The following RRP12 variants were observed in gnomAD, a reference collection of about 807,000 sequenced individuals.
RRP12 encodes ribosomal RNA processing 12 homolog.
A neutral mutation model predicts 157.3 loss-of-function variants in RRP12; 78 were observed. That is an observed-to-expected ratio of 0.50 (90% CI 0.41 to 0.60). The LOEUF (loss-of-function observed/expected upper bound fraction) is 0.60, where lower values mean the gene tolerates loss of function less well. RRP12 is among the 20% of genes least tolerant of loss of function. RRP12 has a pLI of 0.00. For synonymous variants in RRP12, 726 were observed against 670.9 expected, an observed-to-expected ratio of 1.08 and a Z score of -1.27; for missense variants, 1,521 against 1,679.9, an observed-to-expected ratio of 0.91 and a Z score of 1.65.
intron 19 of RRP12, 74 bp from the exon 20 acceptor site, chr10:97,372,240 T>C: frequency 1.7e-6 from 2 of 1,171,598 alleles, no homozygotes; most frequent in Non-Finnish European, 2.5e-6. Flanking sequence ...TTCTTACGTC[T>C]ACTGGGTATG....
At chr10:97,394,582 G>A (rs61861870) in intron 3 of RRP12, among the ~76,000 whole-genome samples, 1 of 151,794 alleles carries the variant, frequency 6.6e-6, no homozygotes, top group Non-Finnish European at 1.5e-5. Context: ...TAGAGACAGG[G>A]TCCCACTATA....
chr10:97,377,582 C>T (rs916907209), intron 15 of RRP12, among the ~76,000 whole-genome samples: 5 of 148,386 alleles, frequency 3.4e-5, no homozygotes, highest in East Asian at 2.0e-4. Context: ...CAGTGGCTCA[C>T]GCCTGTAATC....
At chr10:97,365,105 G>T (rs765165917) in intron 29 of RRP12, among the ~76,000 whole-genome samples, 25 of 152,212 alleles carry the variant, frequency 1.6e-4, no homozygotes, top group South Asian at 4.1e-4. Flanking sequence ...GCAAGGAAAC[G>T]GAGCTAAGGA....
intron 28 of RRP12, 54 bp downstream of exon 28, chr10:97,366,392 C>G (rs906895618): frequency 6.4e-7 from 1 of 1,565,300 alleles, no homozygotes; most frequent in African/African-American, 1.4e-5. Flanking sequence ...CACCTGAGAA[C>G]CTGGCACCAT....
chr10:97,377,421 T>C (rs118176515), intron 15 of RRP12, among the ~76,000 whole-genome samples: 8,215 of 151,810 alleles, frequency 0.054, 282 homozygotes, highest in Non-Finnish European at 0.063. Context: ...CCTACCTACT[T>C]GGGAGGCTAA....
Position 97,388,484 on chromosome 10 carries a change from C to A in RRP12, c.889+5G>T, listed in dbSNP as rs1431005386. 1.2e-6 allele frequency: 2 copies of A among 1,614,058 alleles called. No individual in the cohort carries two copies. Among genetic ancestry groups the A allele is most frequent in the Admixed American group, 1.7e-5 (1 of 60,018 alleles). ...ATCCACCTGCCCTCCATTTGGGTTC[C>A]CCACCTCCAGACTTCTCAATCTCCT... is the stretch of plus-strand genomic sequence containing the variant. On this transcript the variant is annotated splice_donor_5th_base_variant and intron_variant, in intron 7 of 33. Coordinates refer to ENST00000370992, the MANE Select transcript of RRP12 (RefSeq NM_015179.4).
At position 97,379,645 on chromosome 10, in the gene RRP12, C is replaced by T; in HGVS notation, c.1659G>A (p.Leu553=). Residue 553 remains leucine, a synonymous_variant, in exon 14 of 34, where the codon TTG becomes TTA. Transcript: ENST00000370992. ...GPEVVLQAVP[L]EIDGSEETLD... Reference sequence around the variant, plus strand: ...ACACTTACTCAGAGCCATCAATTTCCAAAGGCACAGCCTGCAGCACCACCT... The same window carrying T: ...ACACTTACTCAGAGCCATCAATTTCTAAAGGCACAGCCTGCAGCACCACCT... The T allele has an allele frequency of 6.2e-7, 1 of 1,613,990 alleles. No homozygotes were observed. Among genetic ancestry groups the T allele is most frequent in the Admixed American group, 1.7e-5 (1 of 59,998 alleles).
At chr10:97,391,556 A>G (rs1844803386) in intron 4 of RRP12, among the ~76,000 whole-genome samples, 1 of 151,842 alleles carries the variant, frequency 6.6e-6, no homozygotes, top group Non-Finnish European at 1.5e-5. Flanking sequence ...GGGCAACAAG[A>G]GCGAAACTCT....
intron 4 of RRP12, 147 bp downstream of exon 4, chr10:97,393,537 G>T: frequency 1.4e-6 from 1 of 721,628 alleles, no homozygotes; most frequent in Non-Finnish European, 2.5e-6. Context: ...TATGTCACAT[G>T]CTGGCCCATT....
intron 6 of RRP12, among the ~76,000 whole-genome samples, 158 bp downstream of exon 6, chr10:97,390,265 C>T (rs1403447318): frequency 6.6e-6 from 1 of 152,218 alleles, no homozygotes; most frequent in Non-Finnish European, 1.5e-5. Flanking sequence ...AGCCGCCCTG[C>T]CTTCTGCATC....
At chr10:97,399,448 G>T (rs2133107077) in intron 2 of RRP12, among the ~76,000 whole-genome samples, 1 of 152,026 alleles carries the variant, frequency 6.6e-6, no homozygotes, top group African/African-American at 2.4e-5. Context: ...ATTCAAGTTG[G>T]GGGATCTACC....
chr10:97,386,062 C>T lies in RRP12; in HGVS notation c.1018-69G>A, dbSNP rs994189776. The T allele has an allele frequency of 1.4e-5, 14 of 1,018,194 alleles. No homozygotes were observed. The African/African-American group carries it at 1.9e-4, about 14-fold the overall frequency. The allele number at this position is 1,018,194 out of a possible 1,614,324, so 63.1% of individuals were successfully genotyped here. On this transcript the variant is annotated intron_variant, in intron 8 of 33. Transcript: ENST00000370992. ...CGGCTGGCCCTGGACCCCTCAACTC[C>T]ACCTGTGTGCTAGGGAGTTGAGGGC...
At chr10:97,367,504 T>C (rs1426830725) in intron 25 of RRP12, 1 of 246,658 alleles carries the variant, frequency 4.1e-6, no homozygotes, top group Non-Finnish European at 8.1e-6. Context: ...GTTTGCTAAA[T>C]GGCCATAGAG....
intron 15 of RRP12, among the ~76,000 whole-genome samples, chr10:97,375,009 C>T (rs143029861): frequency 6.6e-6 from 1 of 152,188 alleles, no homozygotes; most frequent in East Asian, 1.9e-4. Flanking sequence ...TGTGGAGCGG[C>T]GGAGTTGGGA....
At chr10:97,388,721 A>G in intron 6 of RRP12, 97 bp from the exon 7 acceptor site, 1 of 1,435,362 alleles carries the variant, frequency 7.0e-7, no homozygotes, top group Non-Finnish European at 9.5e-7. Context: ...TTTGGCTGAA[A>G]TATAGATCCA....
At chr10:97,386,064 C>T in intron 8 of RRP12, 71 bp from the exon 9 acceptor site, 1 of 1,008,322 alleles carries the variant, frequency 9.9e-7, no homozygotes, top group South Asian at 1.4e-5. Context: ...CTCAACTCCA[C>T]CTGTGTGCTA....
chr10:97,362,275 T>C (rs1176196327), intron 30 of RRP12, among the ~76,000 whole-genome samples: 2 of 152,016 alleles, frequency 1.3e-5, no homozygotes, highest in East Asian at 3.9e-4. Flanking sequence ...GGGACATCCT[T>C]AGAAAGCCGT....
chr10:97,379,532 C>T, intron 14 of RRP12, 96 bp downstream of exon 14: 1 of 1,591,032 alleles, frequency 6.3e-7, no homozygotes, highest in South Asian at 1.1e-5. Context: ...CTGAGCCCTG[C>T]ACTGACACAG....
chr10:97,365,988 T>A lies in RRP12; in HGVS notation c.3517+120A>T, dbSNP rs1589413260. ...AAAAAGTTTGAGAAACTCAAAAAGT[T>A]TGAGGAAGCTGCCGAGAGAAGAGTT... On this transcript the variant is annotated intron_variant, in intron 29 of 33. Coordinates refer to ENST00000370992, the MANE Select transcript of RRP12 (RefSeq NM_015179.4). The A allele has an allele frequency of 2.9e-6, 4 of 1,371,900 alleles. No individual in the cohort carries two copies. The East Asian group carries it at 6.9e-5, about 24-fold the overall frequency. The allele number at this position is 1,371,900 out of a possible 1,614,324, so 85.0% of individuals were successfully genotyped here. A position where few individuals can be genotyped will look rare whatever the true frequency, so the allele number is the denominator to read the frequency against.
Sources: allele counts gnomAD v4.1 joint callset (sites outside exome capture counted in the v4.1 genomes callset), GRCh38; gene constraint gnomAD v4.1.1; transcripts MANE v1.5; gene names NCBI Gene and HGNC (gene_info 2026-07-23, HGNC 2026-07-21).